DHRSX: variants seen among roughly 807,000 people sequenced by gnomAD.
DHRSX encodes the protein dehydrogenase/reductase X-linked, also known as polyprenol dehydrogenase.
DHRSX carries 31 observed loss-of-function variants against 34.0 expected under a neutral mutation model. The observed-to-expected ratio is 0.91, with a 90% CI of 0.69 to 1.23. The LOEUF (loss-of-function observed/expected upper bound fraction) is 1.23. Among genes scored for constraint, DHRSX ranks in the 50% most tolerant of loss-of-function variants. The pLI, the probability that DHRSX is intolerant of heterozygous loss-of-function variation, is 0.00. For synonymous variants in DHRSX, 201 were observed against 183.8 expected, an observed-to-expected ratio of 1.09 and a Z score of -0.76; for missense variants, 414 against 428.1, an observed-to-expected ratio of 0.97 and a Z score of 0.29.
At chrX:2,271,621 A>T (rs1980047601) in intron 4 of DHRSX, among the ~76,000 whole-genome samples, 1 of 152,186 alleles carries the variant, frequency 6.6e-6, no homozygotes. Context: ...TCCAATATCA[A>T]TCAGGGTCCA....
intron 3 of DHRSX, among the ~76,000 whole-genome samples, chrX:2,320,641 G>T (rs200708895): frequency 1.4e-5 from 2 of 146,356 alleles, no homozygotes; most frequent in African/African-American, 5.1e-5. Context: ...AAACCCATTC[G>T]GAAGAGTTTT....
chrX:2,259,071 G>A (rs2041318943), intron 5 of DHRSX, among the ~76,000 whole-genome samples: 1 of 152,078 alleles, frequency 6.6e-6, no homozygotes, highest in African/African-American at 2.4e-5. Context: ...TCAGGAGATG[G>A]AGATCATCCT....
chrX:2,226,552 G>A (rs1159610268), intron 6 of DHRSX, among the ~76,000 whole-genome samples: 2 of 152,134 alleles, frequency 1.3e-5, no homozygotes, highest in African/African-American at 4.8e-5. Context: ...TGTCACCCCA[G>A]CACTTTGGGA....
intron 3 of DHRSX, among the ~76,000 whole-genome samples, chrX:2,371,217 G>T (rs1377565643): frequency 8.5e-6 from 1 of 117,134 alleles, no homozygotes; most frequent in Non-Finnish European, 1.9e-5. Flanking sequence ...CCCTTCTCCC[G>T]TTACCGTAGT....
intron 1 of DHRSX, among the ~76,000 whole-genome samples, chrX:2,455,081 C>T (rs1485293399): frequency 2.0e-5 from 3 of 148,954 alleles, no homozygotes; most frequent in Non-Finnish European, 4.4e-5. Flanking sequence ...AATTGAACTC[C>T]AGCCTGGGCA....
chrX:2,229,918 C>T (rs952467289), intron 6 of DHRSX, among the ~76,000 whole-genome samples: 1 of 152,104 alleles, frequency 6.6e-6, no homozygotes. Flanking sequence ...TACGTACATG[C>T]ATGTGCATGA....
intron 3 of DHRSX, among the ~76,000 whole-genome samples, chrX:2,303,689 C>T (rs1409142768): frequency 6.6e-5 from 10 of 151,440 alleles, no homozygotes; most frequent in South Asian, 2.1e-4. Context: ...GACGGATGGA[C>T]GGATGAATTG....
intron 1 of DHRSX, among the ~76,000 whole-genome samples, chrX:2,429,496 G>A (rs1234732777): frequency 6.6e-6 from 1 of 151,166 alleles, no homozygotes; most frequent in East Asian, 1.9e-4. Context: ...TGCCCAGGCT[G>A]CAGTGCAGTG....
chrX:2,297,992 G>C (rs1271007837), intron 3 of DHRSX, among the ~76,000 whole-genome samples: 1 of 152,112 alleles, frequency 6.6e-6, no homozygotes, highest in African/African-American at 2.4e-5. Context: ...CTGACCTCAG[G>C]TGATCTGCCC....
At chrX:2,429,149 G>A (rs189203665) in intron 1 of DHRSX, among the ~76,000 whole-genome samples, 7,852 of 151,936 alleles carry the variant, frequency 0.052, 266 homozygotes, top group Middle Eastern at 0.075. Flanking sequence ...TGACATTCCC[G>A]TGTTCCTGAC....
intron 3 of DHRSX, among the ~76,000 whole-genome samples, chrX:2,328,203 C>T (rs1294350407): frequency 8.1e-5 from 12 of 148,994 alleles, no homozygotes; most frequent in South Asian, 2.1e-4. Context: ...GCCCTGCCTA[C>T]ACCTTGATCT....
intron 1 of DHRSX, among the ~76,000 whole-genome samples, chrX:2,468,914 C>A (rs1159045488): frequency 6.6e-6 from 1 of 151,312 alleles, no homozygotes; most frequent in African/African-American, 2.4e-5. Context: ...GTGACCGCTG[C>A]CGTTGCACAC....
chrX:2,427,356 G>A (rs185930628), intron 1 of DHRSX, among the ~76,000 whole-genome samples: 22 of 152,332 alleles, frequency 1.4e-4, no homozygotes, highest in African/African-American at 4.8e-4. Context: ...GCGTCATCAC[G>A]GGGCTCTGAG....
At chrX:2,476,597 G>A (rs1012468078) in intron 1 of DHRSX, among the ~76,000 whole-genome samples, 4 of 152,058 alleles carry the variant, frequency 2.6e-5, no homozygotes, top group African/African-American at 9.7e-5. Context: ...CCAATAGAAA[G>A]CATTCACTGT....
At chrX:2,263,569 A>G (rs2041393876) in intron 5 of DHRSX, among the ~76,000 whole-genome samples, 1 of 143,796 alleles carries the variant, frequency 7.0e-6, no homozygotes, top group Non-Finnish European at 1.5e-5. Context: ...GCTGGAGTGC[A>G]GTGGCGTGAT....
At chrX:2,445,276 G>A (rs2044115796) in intron 1 of DHRSX, among the ~76,000 whole-genome samples, 1 of 152,122 alleles carries the variant, frequency 6.6e-6, no homozygotes, top group South Asian at 2.1e-4. Flanking sequence ...AAAAAGGAAA[G>A]GTGGGCTTTC....
intron 1 of DHRSX, among the ~76,000 whole-genome samples, chrX:2,496,312 C>T (rs1425544590): frequency 2.0e-5 from 3 of 152,154 alleles, no homozygotes; most frequent in African/African-American, 7.2e-5. Context: ...CATTCTCCTG[C>T]CTCAGCCTCC....
At chrX:2,414,216 G>A (rs2124641456) in intron 2 of DHRSX, among the ~76,000 whole-genome samples, 1 of 151,706 alleles carries the variant, frequency 6.6e-6, no homozygotes, top group Non-Finnish European at 1.5e-5. Flanking sequence ...CTCTCATCAT[G>A]ACCAACCCAA....
At chrX:2,461,947 C>G (rs1161281296) in intron 1 of DHRSX, among the ~76,000 whole-genome samples, 1 of 152,148 alleles carries the variant, frequency 6.6e-6, no homozygotes, top group Non-Finnish European at 1.5e-5. Flanking sequence ...CTCGGCCTCC[C>G]AAAGTGCTGG....
Sources: gnomAD v4.1 joint callset for allele counts (sites outside exome capture counted in the v4.1 genomes callset) on GRCh38, gnomAD v4.1.1 for gene constraint, MANE v1.5 for transcripts, NCBI Gene and HGNC (gene_info 2026-07-23, HGNC 2026-07-21) for gene names.